Variants in NRXN3 observed in about 807,000 individuals in gnomAD.
NRXN3 encodes neurexin 3.
NRXN3 carries 32 observed loss-of-function variants against 137.6 expected under a neutral mutation model. That is an observed-to-expected ratio of 0.23 (90% CI 0.18 to 0.31). The LOEUF (loss-of-function observed/expected upper bound fraction) is 0.31. Ranked by LOEUF, NRXN3 falls within the 10% of genes least tolerant of loss-of-function variation. The pLI is 1.00. For synonymous variants in NRXN3, 798 were observed against 784.5 expected (o/e 1.02, Z -0.29); for missense variants, 1,574 against 2,062.5 (o/e 0.76, Z 4.59).
chr14:79,671,080 G>A (rs948456169), intron 17 of NRXN3, among the ~76,000 whole-genome samples: 9 of 152,108 alleles, frequency 5.9e-5, no homozygotes, highest in South Asian at 2.1e-4. Flanking sequence ...GCCATTTGCC[G>A]AACATTTATG....
intron 8 of NRXN3, among the ~76,000 whole-genome samples, chr14:78,792,532 G>A (rs2098808940): frequency 6.6e-6 from 1 of 152,060 alleles, no homozygotes; most frequent in South Asian, 2.1e-4. Flanking sequence ...TTACTCAAAG[G>A]TATCAAACTG....
At chr14:78,182,954 A>C (rs1162465574) in intron 1 of NRXN3, among the ~76,000 whole-genome samples, 1 of 152,138 alleles carries the variant, frequency 6.6e-6, no homozygotes, top group Non-Finnish European at 1.5e-5. Context: ...TGTCTGTGCG[A>C]TGGCACAGTT....
chr14:79,260,150 TTAC>T (rs920857802), intron 15 of NRXN3, among the ~76,000 whole-genome samples: 2 of 152,302 alleles, frequency 1.3e-5, no homozygotes, highest in African/African-American at 4.8e-5. Flanking sequence ...ATCTACCTTA[TTAC>T]TTTAGTGAGA....
intron 1 of NRXN3, among the ~76,000 whole-genome samples, chr14:78,197,642 G>A (rs989190294): frequency 2.0e-5 from 3 of 152,236 alleles, no homozygotes; most frequent in African/African-American, 7.2e-5. Flanking sequence ...TGGTGGAGCA[G>A]TATTGGGTGG....
intron 4 of NRXN3, among the ~76,000 whole-genome samples, chr14:78,637,470 ACAAT>A (rs2097577002): frequency 6.6e-6 from 1 of 152,206 alleles, no homozygotes; most frequent in Admixed American, 6.5e-5. Context: ...CTTCTCAACA[ACAAT>A]GATAGCTAAC....
chr14:79,794,810 A>G (rs1037529690), intron 19 of NRXN3, among the ~76,000 whole-genome samples: 4 of 152,220 alleles, frequency 2.6e-5, no homozygotes, highest in African/African-American at 9.6e-5. Context: ...AAGTGAATCC[A>G]CAGGATCCTG....
intron 10 of NRXN3, among the ~76,000 whole-genome samples, chr14:78,858,435 A>G (rs1375867275): frequency 3.3e-5 from 5 of 152,182 alleles, no homozygotes; most frequent in Non-Finnish European, 5.9e-5. Flanking sequence ...TTCTACCTTC[A>G]CTAGAGTAAT....
Position 79,449,430 on chromosome 14 carries a change from G to GA in NRXN3, c.3263-17782dup, listed in dbSNP as rs974133258. 1.4e-4 allele frequency among the ~76,000 whole-genome samples: 21 copies of GA among 150,288 alleles called. 1 individual carries two copies. The South Asian group carries it at 1.5e-3, about 11-fold the overall frequency. ...CCTTTGATGGAGACAATAGGATCTGGAAAAAAAAATGCCATAAAGCTCAAA... is the reference window on the plus strand; with the variant it reads ...CCTTTGATGGAGACAATAGGATCTGGAAAAAAAAAATGCCATAAAGCTCAAA... On this transcript the variant is annotated intron_variant, in intron 15 of 20. Transcript: ENST00000335750.
At chr14:78,940,868 A>G (rs961892158) in intron 10 of NRXN3, among the ~76,000 whole-genome samples, 1 of 152,178 alleles carries the variant, frequency 6.6e-6, no homozygotes, top group African/African-American at 2.4e-5. Flanking sequence ...GTGAATTAGA[A>G]CTTGTCTTCC....
At chr14:79,370,324 T>TG (rs1599300629) in intron 15 of NRXN3, among the ~76,000 whole-genome samples, 1 of 40,576 alleles carries the variant, frequency 2.5e-5, no homozygotes, top group East Asian at 5.6e-4. Flanking sequence ...TTTTTTTTTG[T>TG]TTTTTTTTTT....
At chr14:78,586,595 A>C (rs1446059525) in intron 4 of NRXN3, among the ~76,000 whole-genome samples, 1 of 152,146 alleles carries the variant, frequency 6.6e-6, no homozygotes, top group Admixed American at 6.5e-5. Flanking sequence ...TCTGTACTGG[A>C]GACAAATCAG....
chr14:78,409,982 TCTC>T (rs1382554138), intron 4 of NRXN3, among the ~76,000 whole-genome samples: 4 of 152,174 alleles, frequency 2.6e-5, no homozygotes, highest in South Asian at 2.1e-4. Flanking sequence ...TGAACTTAGT[TCTC>T]CTCCTCTTGC....
chr14:78,282,433 C>T (rs893824723), intron 3 of NRXN3: 7 of 269,008 alleles, frequency 2.6e-5, no homozygotes, highest in Non-Finnish European at 4.5e-5. Flanking sequence ...CAATGACAGC[C>T]TCTCTCCTCC....
At chr14:78,934,740 C>CAT (rs1567748685) in intron 10 of NRXN3, among the ~76,000 whole-genome samples, 1 of 151,638 alleles carries the variant, frequency 6.6e-6, no homozygotes, top group African/African-American at 2.4e-5. Flanking sequence ...TGTTCTCACT[C>CAT]ATAGGTGGGA....
At chr14:78,527,290 G>C (rs191875216) in intron 4 of NRXN3, among the ~76,000 whole-genome samples, 1 of 152,258 alleles carries the variant, frequency 6.6e-6, no homozygotes, top group Non-Finnish European at 1.5e-5. Flanking sequence ...GAGGCCTTAA[G>C]AAACTTGTAA....
chr14:78,577,579 C>T (rs1199254394), intron 4 of NRXN3, among the ~76,000 whole-genome samples: 1 of 152,164 alleles, frequency 6.6e-6, no homozygotes, highest in Non-Finnish European at 1.5e-5. Flanking sequence ...GATCCTCCTG[C>T]CTCAGCCTCC....
chr14:78,315,022 T>G (rs2078534631), intron 4 of NRXN3, among the ~76,000 whole-genome samples: 1 of 149,730 alleles, frequency 6.7e-6, no homozygotes, highest in Non-Finnish European at 1.5e-5. Context: ...TTCTTTTTAT[T>G]TTTTTTTGAG....
At chr14:79,103,294 G>A (rs1457406520) in intron 15 of NRXN3, among the ~76,000 whole-genome samples, 1 of 152,130 alleles carries the variant, frequency 6.6e-6, no homozygotes, top group Non-Finnish European at 1.5e-5. Context: ...GAAAGGAGGG[G>A]CCATATGTAC....
chr14:78,675,345 A>AACAT (rs1364931117), intron 6 of NRXN3, among the ~76,000 whole-genome samples: 3 of 152,224 alleles, frequency 2.0e-5, no homozygotes, highest in Admixed American at 6.5e-5. Flanking sequence ...AAAGTCTCTA[A>AACAT]ACATAAAGAA....
Sources: allele counts gnomAD v4.1 joint callset (sites outside exome capture counted in the v4.1 genomes callset), GRCh38; gene constraint gnomAD v4.1.1; transcripts MANE v1.5; gene names NCBI Gene and HGNC (gene_info 2026-07-23, HGNC 2026-07-21).